The following QSOX2 variants were observed in gnomAD, a reference collection of about 807,000 sequenced individuals.
QSOX2 encodes quiescin sulfhydryl oxidase 2.
In QSOX2, 46 loss-of-function variants were observed where a neutral mutation model predicts 61.7. The ratio of observed to expected loss-of-function variants is 0.75; its 90% CI spans 0.59 to 0.95. The LOEUF (loss-of-function observed/expected upper bound fraction) is 0.95, where lower values mean the gene tolerates loss of function less well. QSOX2 is among the 40% of genes least tolerant of loss of function. The pLI, the probability that QSOX2 is intolerant of heterozygous loss-of-function variation, is 0.00. For missense variants in QSOX2, 879 were observed against 918.9 expected (o/e 0.96, Z 0.56); for synonymous variants, 383 against 388.4 (o/e 0.99, Z 0.16).
In QSOX2 at chr9:136,222,977, C is replaced by T. The variant is rs910682914; in HGVS notation, c.675+786G>A. 1.7e-4 allele frequency among the ~76,000 whole-genome samples: 26 copies of T among 152,202 alleles called. No homozygotes were observed. The highest frequency in any genetic ancestry group is 5.8e-4 in the African/African-American group (24 of 41,456). ...GCGTCACCATCAAACCTGGAGGGGG[C>T]GGTGCTGGGGTGCCAGGAGGGCAGC... On this transcript the variant is annotated intron_variant, in intron 5 of 11. Transcript: ENST00000358701. This position sits in a 1 kb window ranked among gnomAD's most constrained non-coding sequence, Gnocchi z 6.9.
chr9:136,226,674 T>C (rs1830285328), intron 2 of QSOX2, 100 bp downstream of exon 2: 16 of 936,768 alleles, frequency 1.7e-5, no homozygotes, highest in Non-Finnish European at 2.7e-5. Flanking sequence ...ACAGGCACTA[T>C]GATGTGGCGA....
At position 136,223,887 on chromosome 9, in the gene QSOX2, G is replaced by A. The variant is rs368704640; in HGVS notation, c.585-34C>T. On this transcript the variant is annotated intron_variant, in intron 4 of 11. Coordinates refer to ENST00000358701, the MANE Select transcript of QSOX2 (RefSeq NM_181701.4). The surrounding 1 kb of genome is among the most constrained non-coding windows in gnomAD (Gnocchi z 4.4). ...AGGAAAAAAAGAGGCTTTTAGTGCC[G>A]TCAACAGCAGCGAGTTGGCCACCAC... 191 of 1,600,220 alleles carry A rather than the reference G, an allele frequency of 1.2e-4. 1 individual carries two copies. In the East Asian group the frequency reaches 1.8e-3, roughly 15 times the overall value.
chr9:136,215,878 G>A (rs1041344155), intron 9 of QSOX2, among the ~76,000 whole-genome samples: 4 of 152,232 alleles, frequency 2.6e-5, no homozygotes, highest in Non-Finnish European at 4.4e-5. Context: ...GATGTCACAC[G>A]TCGCAGTCAC....
In QSOX2 at chr9:136,221,367, C is replaced by T. The variant is rs940557016; in HGVS notation, c.821+429G>A. On this transcript the variant is annotated intron_variant, in intron 6 of 11. Coordinates refer to ENST00000358701, the MANE Select transcript of QSOX2 (RefSeq NM_181701.4). This position sits in a 1 kb window ranked among gnomAD's most constrained non-coding sequence, Gnocchi z 4.5. ...GAGGGGCAGGGCCTGGTGCCCACCC[C>T]TACTTCTCATTCTGCAGAGGTGGGC... Among the ~76,000 whole-genome samples, 6 of 152,214 alleles carry T rather than the reference C, an allele frequency of 3.9e-5. No homozygotes were observed. Among genetic ancestry groups the T allele is most frequent in the African/African-American group, 1.4e-4 (6 of 41,452 alleles).
intron 1 of QSOX2, among the ~76,000 whole-genome samples, chr9:136,243,300 C>T (rs1830446999): frequency 6.6e-6 from 1 of 152,222 alleles, no homozygotes; most frequent in Non-Finnish European, 1.5e-5. Flanking sequence ...ATCTAGGAGA[C>T]ATTTAACGAG....
At chr9:136,218,580 C>G (rs1371155508) in intron 8 of QSOX2, 99 bp downstream of exon 8, 21 of 1,395,546 alleles carry the variant, frequency 1.5e-5, no homozygotes, top group African/African-American at 2.9e-5. Context: ...AGCACCTCAG[C>G]GGAGCTGGCG....
At chr9:136,236,881 C>T (rs995400637) in intron 1 of QSOX2, among the ~76,000 whole-genome samples, 2 of 149,044 alleles carry the variant, frequency 1.3e-5, no homozygotes, top group African/African-American at 5.0e-5. Flanking sequence ...TGGAGCCCTT[C>T]CTGGGCTGGT....
Position 136,226,843 on chromosome 9 carries a change from C to G in QSOX2, c.360G>C (p.Leu120=), listed in dbSNP as rs758865462. ...CCTGGTTCTTCTCTTCCATGCAGTC[C>G]AGAGCTGCGACGCGAATGGCACTGG... ...DWASAIRVAA[L]DCMEEKNQAV... is the part of the protein sequence containing the mutation. The change falls in exon 2 of 12, where the codon CTG becomes CTC. Residue 120 remains leucine, a synonymous_variant. Coordinates refer to ENST00000358701, the MANE Select transcript of QSOX2 (RefSeq NM_181701.4). The G allele has an allele frequency of 1.2e-6, 2 of 1,614,070 alleles. No homozygotes were observed. Among genetic ancestry groups the G allele is most frequent in the Non-Finnish European group, 1.7e-6 (2 of 1,180,040 alleles).
chr9:136,209,963 G>C lies in QSOX2; in HGVS notation c.1550-688C>G. The C allele has an allele frequency of 7.1e-6, 7 of 985,426 alleles. No individual in the cohort carries two copies. The highest frequency in any genetic ancestry group is 4.7e-5 in the South Asian group (1 of 21,286). The allele number at this position is 985,426 out of a possible 1,614,324, so 61.0% of individuals were successfully genotyped here. On this transcript the variant is annotated intron_variant, in intron 11 of 11. Transcript: ENST00000358701. The surrounding 1 kb of genome is among the most constrained non-coding windows in gnomAD (Gnocchi z 5.6). Reference sequence around the variant, plus strand: ...CTAGCTCTCGGAGCCCCTGCGACCCGACTTGCTGACACCTGGCCACCCTCA... The same window carrying C: ...CTAGCTCTCGGAGCCCCTGCGACCCCACTTGCTGACACCTGGCCACCCTCA...
intron 6 of QSOX2, among the ~76,000 whole-genome samples, chr9:136,219,594 T>G (rs1245294224): frequency 2.6e-5 from 4 of 152,112 alleles, no homozygotes; most frequent in Non-Finnish European, 4.4e-5. Flanking sequence ...AGCCCCTCCC[T>G]GATGTCAGGC....
chr9:136,239,431 G>A (rs559778044), intron 1 of QSOX2, among the ~76,000 whole-genome samples: 4 of 152,168 alleles, frequency 2.6e-5, no homozygotes, highest in Non-Finnish European at 5.9e-5. Flanking sequence ...CCACTGCCCC[G>A]GCCACTTCCT....
chr9:136,208,291 T>TGGAGGGTGCAGGGAGGGCCAAGGTCGG lies in QSOX2; in HGVS notation c.*436_*437insCCGACCTTGGCCCTCCCTGCACCCTCC, dbSNP rs71384066. 1.5e-5 allele frequency: 1 copy of TGGAGGGTGCAGGGAGGGCCAAGGTCGG among 67,840 alleles called. No homozygotes were observed. Among genetic ancestry groups the TGGAGGGTGCAGGGAGGGCCAAGGTCGG allele is most frequent in the Non-Finnish European group, 2.8e-5 (1 of 35,766 alleles). 4.2% of individuals were successfully genotyped at this position (67,840 alleles called of 1,614,324 possible). ...GCGGGGGGAGGGGGAGCGAGGGGAG[T>TGGAGGGTGCAGGGAGGGCCAAGGTCGG]GGGGGGGAGCCAGGAGCCGCGGGGG... On this transcript the variant is annotated 3_prime_UTR_variant, in exon 12 of 12. Transcript: ENST00000358701.
intron 8 of QSOX2, among the ~76,000 whole-genome samples, chr9:136,217,838 C>G (rs1420808607): frequency 6.6e-6 from 1 of 152,254 alleles, no homozygotes; most frequent in East Asian, 1.9e-4. Flanking sequence ...CTAGAGATTT[C>G]TGAACTCTGG....
In QSOX2 at chr9:136,216,511, C is replaced by G. The variant is rs377480241; in HGVS notation, c.1209+89G>C. 2.7e-4 allele frequency: 423 copies of G among 1,553,504 alleles called. 1 individual carries two copies. The African/African-American group carries it at 4.9e-3, about 18-fold the overall frequency. ...CCTTCCTCACAGCGGAGCCCGGGCC[C>G]CGAGCAGGGAGATGCACCAGCTAAG... On this transcript the variant is annotated intron_variant, in intron 9 of 11. Transcript: ENST00000358701.
rs576104887 is a variant in QSOX2, at chr9:136,212,608, G to A, written c.1361-1156C>T. Among the ~76,000 whole-genome samples the A allele has an allele frequency of 3.3e-5, 5 of 152,366 alleles. No individual in the cohort carries two copies. In the East Asian group the frequency reaches 9.6e-4, roughly 29 times the overall value. ...GCTGGGCGGTGTCTCAGATGGGACC[G>A]CAGGCGCTGGCCCTGTGACCCGGCC... On this transcript the variant is annotated intron_variant, in intron 10 of 11. Transcript: ENST00000358701.
Position 136,206,663 on chromosome 9 carries a change from GC to G in QSOX2, c.*2064del, listed in dbSNP as rs1438053679. The G allele has an allele frequency of 6.6e-6, 1 of 151,784 alleles. No homozygotes were observed. The highest frequency in any genetic ancestry group is 2.4e-5 in the African/African-American group (1 of 41,390). The allele number at this position is 151,784 out of a possible 1,614,324, so 9.4% of individuals were successfully genotyped here. On this transcript the variant is annotated 3_prime_UTR_variant, in exon 12 of 12. Coordinates refer to ENST00000358701, the MANE Select transcript of QSOX2 (RefSeq NM_181701.4). ...CTGGGGCCACCTCCACGACGGCCCAGCCCCACCGACGCTCTGCTGAAAATCC... is the reference window on the plus strand; with the variant it reads ...CTGGGGCCACCTCCACGACGGCCCAGCCCACCGACGCTCTGCTGAAAATCC...
chr9:136,220,879 C>CT (rs966191376), intron 6 of QSOX2, among the ~76,000 whole-genome samples: 6 of 151,936 alleles, frequency 3.9e-5, no homozygotes, highest in African/African-American at 1.4e-4. Context: ...CCTGGCTAGT[C>CT]TTTTTTTTAG....
intron 1 of QSOX2, among the ~76,000 whole-genome samples, chr9:136,232,922 AAAAAAAAAAAAAAAAAG>A (rs1462234243): frequency 1.4e-5 from 2 of 147,148 alleles, no homozygotes; most frequent in Non-Finnish European, 3.0e-5. Flanking sequence ...TGTCTCAAAA[AAAAAAAAAAAAAAAAAG>A]AAAAAAGAAA....
chr9:136,220,343 A>C (rs1831965688), intron 6 of QSOX2, among the ~76,000 whole-genome samples: 1 of 152,216 alleles, frequency 6.6e-6, no homozygotes, highest in African/African-American at 2.4e-5. Flanking sequence ...GGAAAGAAAA[A>C]TACTTAAGAA....
Sources: allele counts gnomAD v4.1 joint callset (sites outside exome capture counted in the v4.1 genomes callset), GRCh38; gene constraint gnomAD v4.1.1; non-coding constraint Gnocchi (gnomAD v3.1); transcripts MANE v1.5; gene names NCBI Gene and HGNC (gene_info 2026-07-23, HGNC 2026-07-21).